The following MSN variants were observed in gnomAD, a reference collection of about 807,000 sequenced individuals.
MSN encodes moesin, also known as epididymis luminal protein 70.
Under a neutral mutation model 48.0 loss-of-function variants are expected in MSN, and 2 were observed. That is an observed-to-expected ratio of 0.04 (90% CI 0.02 to 0.13). The LOEUF (loss-of-function observed/expected upper bound fraction) is 0.13, where lower values mean the gene tolerates loss of function less well. Among genes scored for constraint, MSN ranks in the 10% least tolerant of loss-of-function variants. MSN has a pLI of 1.00. For missense variants in MSN, 267 were observed against 470.1 expected, an observed-to-expected ratio of 0.57 and a Z score of 3.99; for synonymous variants, 146 against 166.9, an observed-to-expected ratio of 0.87 and a Z score of 0.97.
intron 1 of MSN, among the ~76,000 whole-genome samples, chrX:65,710,795 C>T (rs2071406207): frequency 9.0e-6 from 1 of 111,219 alleles, no homozygotes; most frequent in South Asian, 3.8e-4. Flanking sequence ...ACTGCAGCCT[C>T]TGCCTCCTGG....
chrX:65,622,510 GTTTT>G (rs1216557190), intron 1 of MSN, among the ~76,000 whole-genome samples: 2 of 66,478 alleles, frequency 3.0e-5, no homozygotes, highest in Non-Finnish European at 6.3e-5. Context: ...AGGCATCTTT[GTTTT>G]TTTTTTTTTT....
intron 1 of MSN, among the ~76,000 whole-genome samples, chrX:65,613,264 C>T (rs1220399120): frequency 8.7e-6 from 1 of 114,724 alleles, no homozygotes; most frequent in Non-Finnish European, 1.9e-5. Flanking sequence ...TTTTCTTCAT[C>T]CAGTTTATCA....
chrX:65,678,928 G>C (rs943222938), intron 1 of MSN, among the ~76,000 whole-genome samples: 6 of 111,978 alleles, frequency 5.4e-5, no homozygotes, highest in African/African-American at 1.9e-4. Flanking sequence ...CTTGGAAAGC[G>C]TGTAGCAGAG....
At chrX:65,694,420 C>A (rs1311807161) in intron 1 of MSN, among the ~76,000 whole-genome samples, 2 of 109,695 alleles carry the variant, frequency 1.8e-5, no homozygotes, top group African/African-American at 6.7e-5. Flanking sequence ...GCCTTTGCCT[C>A]CCAGGTTCCA....
chrX:65,610,340 TAA>T (rs762195496), intron 1 of MSN, among the ~76,000 whole-genome samples: 1 of 112,731 alleles, frequency 8.9e-6, no homozygotes, highest in South Asian at 3.6e-4. Flanking sequence ...ATATTTCATA[TAA>T]GTGTCTTTAT....
intron 1 of MSN, among the ~76,000 whole-genome samples, chrX:65,689,180 T>A (rs995979275): frequency 8.9e-6 from 1 of 111,875 alleles, no homozygotes; most frequent in Non-Finnish European, 1.9e-5. Flanking sequence ...CACAAGAGGT[T>A]GGTTTGGCTA....
chrX:65,631,740 T>C (rs771178427), intron 1 of MSN, among the ~76,000 whole-genome samples: 8 of 111,889 alleles, frequency 7.1e-5, no homozygotes, highest in African/African-American at 2.6e-4. Flanking sequence ...AGTCGCATGA[T>C]CATGGCGCAC....
At chrX:65,731,748 T>TGG in intron 5 of MSN, 90 bp from the exon 6 acceptor site, 1 of 1,030,674 alleles carries the variant, frequency 9.7e-7, no homozygotes, top group South Asian at 2.4e-5. Context: ...AGCAAGATCC[T>TGG]TGTCAGAAGT....
intron 1 of MSN, among the ~76,000 whole-genome samples, chrX:65,684,501 C>T (rs190000730): frequency 8.4e-5 from 9 of 107,311 alleles, no homozygotes; most frequent in African/African-American, 2.7e-4. Context: ...TGCAATGGCG[C>T]GATCTCGGCT....
chrX:65,626,200 C>T lies in MSN; in HGVS notation c.-22+37588C>T, dbSNP rs367798281. ...CGATCTCCTGACATTGTGATCCACCCGCCGTGGCCTCCCAAAGTGCTGGGA... is the reference window on the plus strand; with the variant it reads ...CGATCTCCTGACATTGTGATCCACCTGCCGTGGCCTCCCAAAGTGCTGGGA... On this transcript the variant is annotated intron_variant, in intron 1 of 3. Coordinates refer to the MSN transcript ENST00000609672. 2.8e-3 allele frequency among the ~76,000 whole-genome samples: 317 copies of T among 111,532 alleles called. 1 individual carries two copies. Among genetic ancestry groups the T allele is most frequent in the Non-Finnish European group, 4.7e-3 (250 of 53,043 alleles).
intron 1 of MSN, among the ~76,000 whole-genome samples, chrX:65,591,511 A>G (rs1324440578): frequency 8.9e-6 from 1 of 111,861 alleles, no homozygotes; most frequent in Non-Finnish European, 1.9e-5. Flanking sequence ...AGGACCCTGT[A>G]AATAGGCCTA....
intron 1 of MSN, chrX:65,593,142 A>G (rs1391793970): frequency 9.2e-6 from 1 of 108,341 alleles, no homozygotes; most frequent in African/African-American, 3.4e-5. Context: ...CCCCGCTGCT[A>G]CCTTCCCACC....
chrX:65,638,280 G>A (rs1297157023), intron 1 of MSN, among the ~76,000 whole-genome samples: 2 of 112,115 alleles, frequency 1.8e-5, no homozygotes, highest in Non-Finnish European at 3.8e-5. Context: ...CTCTCACTGT[G>A]ATCTATGTGG....
chrX:65,694,722 T>G (rs1317421405), intron 1 of MSN, among the ~76,000 whole-genome samples: 1 of 112,247 alleles, frequency 8.9e-6, no homozygotes, highest in Non-Finnish European at 1.9e-5. Context: ...CCATCGTGCC[T>G]TCTGCTGCAA....
intron 1 of MSN, among the ~76,000 whole-genome samples, chrX:65,647,297 C>G (rs778981656): frequency 2.5e-4 from 27 of 107,461 alleles, no homozygotes; most frequent in Non-Finnish European, 5.2e-4. Context: ...CTGCAACCTC[C>G]ACCTCCCGGG....
At chrX:65,648,895 A>C (rs1467327449) in intron 1 of MSN, among the ~76,000 whole-genome samples, 2 of 108,681 alleles carry the variant, frequency 1.8e-5, no homozygotes, top group African/African-American at 6.7e-5. Context: ...AAAATAAATA[A>C]AATAAATAAA....
intron 1 of MSN, among the ~76,000 whole-genome samples, chrX:65,635,489 G>C (rs756619673): frequency 8.9e-6 from 1 of 111,813 alleles, no homozygotes; most frequent in Non-Finnish European, 1.9e-5. Flanking sequence ...AGGGAAAGCT[G>C]GTTTATTCAG....
intron 1 of MSN, among the ~76,000 whole-genome samples, chrX:65,636,746 T>A (rs1602740746): frequency 9.7e-5 from 1 of 10,268 alleles, no homozygotes; most frequent in Admixed American, 1.5e-3. Context: ...AAACTCCATC[T>A]CAAAAAAAAA....
At chrX:65,617,516 G>T (rs2070386435) in intron 1 of MSN, among the ~76,000 whole-genome samples, 1 of 106,962 alleles carries the variant, frequency 9.3e-6, no homozygotes, top group Non-Finnish European at 1.9e-5. Flanking sequence ...AGTATTCCCT[G>T]ATGGTAGTTT....
Sources: allele counts gnomAD v4.1 joint callset (sites outside exome capture counted in the v4.1 genomes callset), GRCh38; gene constraint gnomAD v4.1.1; transcripts MANE v1.5; gene names NCBI Gene and HGNC (gene_info 2026-07-23, HGNC 2026-07-21).